The following SIK3 variants were observed in gnomAD, a reference collection of about 807,000 sequenced individuals.
The protein encoded by SIK3 is SIK family kinase 3.
A neutral mutation model predicts 144.2 loss-of-function variants in SIK3; 28 were observed. The observed-to-expected ratio is 0.19, with a 90% CI of 0.14 to 0.27. The LOEUF (loss-of-function observed/expected upper bound fraction) is 0.27. SIK3 is among the 10% of genes least tolerant of loss of function. SIK3 has a pLI of 1.00. For synonymous variants in SIK3, 686 were observed against 676.3 expected (o/e 1.01, Z -0.22); for missense variants, 1,319 against 1,776.0 (o/e 0.74, Z 4.62).
At chr11:117,023,584 AC>A (rs1951863367) in intron 1 of SIK3, among the ~76,000 whole-genome samples, 2 of 71,190 alleles carry the variant, frequency 2.8e-5, no homozygotes, top group Non-Finnish European at 5.0e-5. Flanking sequence ...ATTCTTAAAA[AC>A]AAACAAACAA....
In SIK3 at chr11:116,858,820, G is replaced by A. The variant is rs1160839010; in HGVS notation, c.2766-121C>T. ...CAGAGAACTGTGGTGTGACAGAGAA[G>A]TGGCAGATGTATGCATTGTCCCTAT... On this transcript the variant is annotated intron_variant, in intron 20 of 24. Transcript: ENST00000445177. This position sits in a 1 kb window ranked among gnomAD's most constrained non-coding sequence, Gnocchi z 5.4. The A allele has an allele frequency of 7.1e-7, 1 of 1,408,476 alleles. No homozygotes were observed. Among genetic ancestry groups the A allele is most frequent in the Admixed American group, 2.7e-5 (1 of 37,206 alleles). 87.2% of individuals were successfully genotyped at this position (1,408,476 alleles called of 1,614,324 possible).
intron 3 of SIK3, among the ~76,000 whole-genome samples, chr11:116,947,169 T>TA (rs1402041540): frequency 1.7e-5 from 2 of 116,990 alleles, no homozygotes; most frequent in African/African-American, 8.8e-5. Flanking sequence ...TATATATAAA[T>TA]TATTATTTAT....
At chr11:116,938,083 T>TA (rs924905120) in intron 3 of SIK3, among the ~76,000 whole-genome samples, 3 of 151,574 alleles carry the variant, frequency 2.0e-5, no homozygotes, top group African/African-American at 7.3e-5. Flanking sequence ...CGTGTGCCTG[T>TA]AGTCCCAGCT....
chr11:116,876,790 C>G (rs376376565), intron 7 of SIK3, 134 bp downstream of exon 7: 220 of 705,378 alleles, frequency 3.1e-4, no homozygotes, highest in Non-Finnish European at 5.0e-4. Flanking sequence ...GCTTGCTTCA[C>G]GTGCTGCTTT....
chr11:117,004,641 G>A (rs952396035), intron 1 of SIK3, among the ~76,000 whole-genome samples: 3 of 152,100 alleles, frequency 2.0e-5, no homozygotes, highest in African/African-American at 7.2e-5. Context: ...TAACATAGAG[G>A]CACTATTATT....
intron 1 of SIK3, among the ~76,000 whole-genome samples, chr11:117,019,618 C>T (rs1011726636): frequency 6.6e-6 from 1 of 151,902 alleles, no homozygotes; most frequent in Non-Finnish European, 1.5e-5. Context: ...CAGTCAACCC[C>T]TTCTTTTTTT....
chr11:116,930,467 A>C (rs1266000093), intron 3 of SIK3, among the ~76,000 whole-genome samples: 1 of 152,242 alleles, frequency 6.6e-6, no homozygotes, highest in African/African-American at 2.4e-5. Context: ...CTTTCAGTGA[A>C]GAAATCCAGA....
At chr11:116,880,836 C>G (rs1038745017) in intron 6 of SIK3, among the ~76,000 whole-genome samples, 10 of 152,020 alleles carry the variant, frequency 6.6e-5, no homozygotes, top group African/African-American at 1.9e-4. Context: ...CTAAAAGGTC[C>G]CTGTTGGCCA....
chr11:117,086,659 C>T (rs1418514591), intron 1 of SIK3, among the ~76,000 whole-genome samples: 3 of 151,088 alleles, frequency 2.0e-5, no homozygotes, highest in Admixed American at 1.3e-4. Context: ...CCACTGCACT[C>T]CAGCCTGGGT....
chr11:116,933,404 G>T (rs1429559520), intron 3 of SIK3, among the ~76,000 whole-genome samples: 1 of 152,186 alleles, frequency 6.6e-6, no homozygotes, highest in Non-Finnish European at 1.5e-5. Context: ...CCCCCAAAGT[G>T]CTGGGATTAC....
At position 116,938,378 on chromosome 11, in the gene SIK3, G is replaced by GAGAGGA. The variant is rs1948057494; in HGVS notation, c.455-10999_455-10998insTCCTCT. 2.1e-4 allele frequency among the ~76,000 whole-genome samples: 2 copies of GAGAGGA among 9,564 alleles called. 1 individual carries two copies. The highest frequency in any genetic ancestry group is 2.2e-3 in the African/African-American group (2 of 906). 6.3% of individuals were successfully genotyped at this position (9,564 alleles called of 152,430 possible). A position where few individuals can be genotyped will look rare whatever the true frequency, so the allele number is the denominator to read the frequency against. ...GGAGGGGAGGGGAGGGGAGGGGAGG[G>GAGAGGA]GAGGAGAGGAGAGGAGAGGAGAAGG... is the stretch of plus-strand genomic sequence containing the variant. On this transcript the variant is annotated intron_variant, in intron 3 of 24. Coordinates refer to ENST00000445177, the MANE Select transcript of SIK3 (RefSeq NM_001366686.3).
chr11:117,089,818 A>T (rs2134070497), intron 1 of SIK3, among the ~76,000 whole-genome samples: 3 of 152,340 alleles, frequency 2.0e-5, no homozygotes, highest in Admixed American at 2.0e-4. Flanking sequence ...TTCAACAGGC[A>T]ATGAGTCTGC....
At chr11:116,975,185 T>TA (rs200177039) in intron 1 of SIK3, among the ~76,000 whole-genome samples, 3,698 of 147,416 alleles carry the variant, frequency 0.025, 66 homozygotes, top group South Asian at 0.093. Context: ...TCTAGTTATT[T>TA]AAAAAAAAAA....
At chr11:117,035,196 AAAG>A (rs1244996360) in intron 1 of SIK3, among the ~76,000 whole-genome samples, 24 of 152,298 alleles carry the variant, frequency 1.6e-4, no homozygotes, top group Admixed American at 7.8e-4. Context: ...AATATTAATA[AAAG>A]AAGCAGTATA....
rs1220371063 is a variant in SIK3 at position 116,875,357 on chromosome 11, C to T, written c.1317+17G>A. 6.2e-7 allele frequency: 1 copy of T among 1,613,942 alleles called. No individual in the cohort carries two copies. Among genetic ancestry groups the T allele is most frequent in the Non-Finnish European group, 8.5e-7 (1 of 1,179,956 alleles). ...GAAAGTGGTTTCAGCTGACAGCTCCCACAGGTTGCTACTTGCCTCCACAAT... is the reference window on the plus strand; with the variant it reads ...GAAAGTGGTTTCAGCTGACAGCTCCTACAGGTTGCTACTTGCCTCCACAAT... On this transcript the variant is annotated intron_variant, in intron 10 of 24. Transcript: ENST00000445177.
chr11:116,965,772 T>C (rs1255815005), intron 1 of SIK3, among the ~76,000 whole-genome samples: 4 of 67,854 alleles, frequency 5.9e-5, no homozygotes, highest in South Asian at 3.7e-4. Flanking sequence ...TATATATATA[T>C]ATATATATAT....
chr11:117,041,981 T>C (rs1007108237), intron 1 of SIK3, among the ~76,000 whole-genome samples: 4 of 152,182 alleles, frequency 2.6e-5, no homozygotes, highest in Non-Finnish European at 4.4e-5. Flanking sequence ...TCCATTCATA[T>C]GTAATTTTCC....
chr11:116,931,718 C>T (rs970109930), intron 3 of SIK3, among the ~76,000 whole-genome samples: 2 of 152,212 alleles, frequency 1.3e-5, no homozygotes, highest in South Asian at 4.1e-4. Context: ...TGCTTTGCCA[C>T]TCAGTTCTAT....
intron 1 of SIK3, among the ~76,000 whole-genome samples, chr11:116,993,873 A>G (rs1950574636): frequency 6.6e-6 from 1 of 152,238 alleles, no homozygotes; most frequent in Admixed American, 6.5e-5. Flanking sequence ...ACAGCCAAGC[A>G]AGTGCCTTTT....
Sources: allele counts gnomAD v4.1 joint callset (sites outside exome capture counted in the v4.1 genomes callset), GRCh38; gene constraint gnomAD v4.1.1; non-coding constraint Gnocchi (gnomAD v3.1); transcripts MANE v1.5; gene names NCBI Gene and HGNC (gene_info 2026-07-23, HGNC 2026-07-21).